DOCK8: variants seen among roughly 807,000 people sequenced by gnomAD.
The protein encoded by DOCK8 is dedicator of cytokinesis 8.
In DOCK8, 141 loss-of-function variants were observed where a neutral mutation model predicts 245.6. The ratio of observed to expected loss-of-function variants is 0.57; its 90% CI spans 0.50 to 0.66. DOCK8 has a LOEUF of 0.66. Among genes scored for constraint, DOCK8 ranks in the 30% least tolerant of loss-of-function variants. The pLI is 0.00. For missense variants in DOCK8, 2,965 were observed against 2,603.4 expected, an observed-to-expected ratio of 1.14 and a Z score of -3.02; for synonymous variants, 1,168 against 970.2, an observed-to-expected ratio of 1.20 and a Z score of -3.79.
intron 33 of DOCK8, 41 bp from the exon 34 acceptor site, chr9:426,844 G>T (rs745876961): frequency 3.8e-6 from 6 of 1,569,556 alleles, no homozygotes; most frequent in Non-Finnish European, 5.3e-6. Context: ...ACCTGGCCAG[G>T]TTTGACATGC....
At chr9:331,183 C>G (rs2885045) in intron 9 of DOCK8, among the ~76,000 whole-genome samples, 26 of 152,168 alleles carry the variant, frequency 1.7e-4, no homozygotes, top group African/African-American at 6.3e-4. Flanking sequence ...CCTTATCTCC[C>G]AGCTGCTACC....
At chr9:317,994 A>G (rs530059477) in intron 7 of DOCK8, among the ~76,000 whole-genome samples, 11 of 151,824 alleles carry the variant, frequency 7.2e-5, no homozygotes, top group Non-Finnish European at 1.6e-4. Flanking sequence ...AAAATCCTCT[A>G]TAGACATGTA....
At chr9:428,722 A>G (rs765751849) in intron 35 of DOCK8, among the ~76,000 whole-genome samples, 4 of 152,210 alleles carry the variant, frequency 2.6e-5, no homozygotes, top group Non-Finnish European at 4.4e-5. Flanking sequence ...ACCTAACTCT[A>G]GAAGTTTAAA....
chr9:376,531 T>C (rs1463713368), intron 19 of DOCK8, among the ~76,000 whole-genome samples: 1 of 152,252 alleles, frequency 6.6e-6, no homozygotes, highest in East Asian at 1.9e-4. Context: ...GTATCTGCAC[T>C]GTTGGTGGAG....
chr9:221,755 G>A (rs2046887263), intron 1 of DOCK8, among the ~76,000 whole-genome samples: 1 of 151,586 alleles, frequency 6.6e-6, no homozygotes, highest in South Asian at 2.1e-4. Flanking sequence ...CTGGGAGGCG[G>A]AAGTTGCAGT....
chr9:298,214 C>T (rs1349859626), intron 4 of DOCK8, among the ~76,000 whole-genome samples: 2 of 152,166 alleles, frequency 1.3e-5, no homozygotes, highest in Non-Finnish European at 1.5e-5. Flanking sequence ...CACCTGAGGT[C>T]AGGAGTTCGA....
intron 23 of DOCK8, among the ~76,000 whole-genome samples, chr9:388,926 T>TTTGCTTTAGGTGTTGC (rs1177331136): frequency 6.6e-6 from 1 of 152,182 alleles, no homozygotes; most frequent in Non-Finnish European, 1.5e-5. Context: ...GTGTTGACTT[T>TTTGCTTTAGGTGTTGC]AAAACTTAAT....
At chr9:332,105 A>C (rs1478490918) in intron 9 of DOCK8, among the ~76,000 whole-genome samples, 2 of 152,240 alleles carry the variant, frequency 1.3e-5, no homozygotes, top group African/African-American at 2.4e-5. Context: ...AATACACATA[A>C]GCAATGGGAA....
Position 406,910 on chromosome 9 carries a change from G to A in DOCK8, c.3391-20G>A. ...TTCCAGTTCTTGTGGCTCATAAAAT[G>A]GCTCCTTACGTTTCTGTAGAACTCA... is the stretch of plus-strand genomic sequence containing the variant. On this transcript the variant is annotated intron_variant, in intron 27 of 47. Coordinates refer to ENST00000432829, the MANE Select transcript of DOCK8 (RefSeq NM_203447.4). The A allele has an allele frequency of 1.2e-6, 2 of 1,613,996 alleles. No individual in the cohort carries two copies. The highest frequency in any genetic ancestry group is 1.1e-5 in the South Asian group (1 of 91,070).
chr9:298,654 TCAGA>T (rs2049382182), intron 4 of DOCK8, among the ~76,000 whole-genome samples: 2 of 128,190 alleles, frequency 1.6e-5, no homozygotes, highest in African/African-American at 5.4e-5. Context: ...TGTGTGTGTG[TCAGA>T]GAGAGAGAGA....
chr9:292,956 G>A (rs1240303113), intron 4 of DOCK8, among the ~76,000 whole-genome samples: 1 of 152,000 alleles, frequency 6.6e-6, no homozygotes, highest in Non-Finnish European at 1.5e-5. Flanking sequence ...AGAAGCAATG[G>A]TTACCCATAT....
chr9:339,137 A>C, intron 13 of DOCK8, 38 bp downstream of exon 13: 1 of 1,543,774 alleles, frequency 6.5e-7, no homozygotes, highest in Non-Finnish European at 9.0e-7. Flanking sequence ...TAGCTGTGCC[A>C]AAACTGCTTA....
chr9:355,177 A>ATTTCTT (rs2052365339), intron 14 of DOCK8, among the ~76,000 whole-genome samples: 1 of 120,114 alleles, frequency 8.3e-6, no homozygotes, highest in African/African-American at 3.4e-5. Flanking sequence ...AGACTGGTGT[A>ATTTCTT]TTTCTGTTTC....
At chr9:276,757 TA>T (rs1410188226) in intron 2 of DOCK8, among the ~76,000 whole-genome samples, 1 of 152,218 alleles carries the variant, frequency 6.6e-6, no homozygotes, top group Non-Finnish European at 1.5e-5. Context: ...AACAAGTCTA[TA>T]ATCAGTACCT....
Position 420,519 on chromosome 9 carries a change from C to A in DOCK8, c.3959C>A (p.Pro1320Gln), listed in dbSNP as rs779465464. The change falls in exon 31 of 48, where the codon CCA (proline) becomes CAA (glutamine). Residue 1320 changes from proline (P) to glutamine (Q), a missense_variant. This residue lies in a region of DOCK8 where 2,825 missense variants were observed against 2,453.5 expected (regional missense o/e 1.15). Transcript: ENST00000432829. ...ATTAGGAAGTGGATTGCTGACCTGC[C>A]ATCAACGCAGCTCAACAGGATTTTA... is the stretch of plus-strand genomic sequence containing the variant. ...SLIRKWIADL[P>Q]STQLNRILDL... 6.2e-7 allele frequency: 1 copy of A among 1,614,154 alleles called. No homozygotes were observed. Among genetic ancestry groups the A allele is most frequent in the South Asian group, 1.1e-5 (1 of 91,086 alleles).
At chr9:303,270 C>T (rs549232547) in intron 4 of DOCK8, among the ~76,000 whole-genome samples, 18 of 152,150 alleles carry the variant, frequency 1.2e-4, no homozygotes, top group Non-Finnish European at 2.1e-4. Flanking sequence ...TTCAACCCAG[C>T]AATCCCACTA....
At chr9:305,892 A>C (rs2049804083) in intron 5 of DOCK8, among the ~76,000 whole-genome samples, 1 of 152,184 alleles carries the variant, frequency 6.6e-6, no homozygotes, top group Non-Finnish European at 1.5e-5. Flanking sequence ...ATCCATCCAT[A>C]ATGAATGGAT....
At chr9:366,134 C>G (rs1000506260) in intron 14 of DOCK8, 5 of 161,482 alleles carry the variant, frequency 3.1e-5, no homozygotes, top group African/African-American at 1.2e-4. Flanking sequence ...GCCTGAGCAC[C>G]CCAGAATTCT....
intron 2 of DOCK8, among the ~76,000 whole-genome samples, chr9:280,477 G>A (rs2130155620): frequency 6.6e-6 from 1 of 152,270 alleles, no homozygotes; most frequent in South Asian, 2.1e-4. Context: ...GTGTGGCTAA[G>A]CGAGCTTAAA....
Sources: gnomAD v4.1 joint callset for allele counts (sites outside exome capture counted in the v4.1 genomes callset) on GRCh38, gnomAD v4.1.1 for gene constraint, gnomAD v4.1.1 regional missense constraint, MANE v1.5 for transcripts, NCBI Gene and HGNC (gene_info 2026-07-23, HGNC 2026-07-21) for gene names.